H2BC4: variants seen among roughly 807,000 people sequenced by gnomAD.
The protein encoded by H2BC4 is histone H2B type 1-C/E/F/G/I.
H2BC4 carries 10 observed loss-of-function variants against 6.2 expected under a neutral mutation model. The observed-to-expected ratio is 1.61, with a 90% CI of 0.99 to 2.73. The LOEUF (loss-of-function observed/expected upper bound fraction) is 2.73. Ranked by LOEUF, H2BC4 falls within the 30% of genes most tolerant of loss-of-function variation. The probability of loss-of-function intolerance (pLI) is 0.00; values close to 1 mark genes in which losing one functional copy is unlikely to be tolerated. For synonymous variants in H2BC4, 146 were observed against 70.7 expected, an observed-to-expected ratio of 2.07 and a Z score of -5.35; for missense variants, 176 against 168.7, an observed-to-expected ratio of 1.04 and a Z score of -0.24.
Position 26,123,605 on chromosome 6 carries a change from G to A in H2BC4, c.300C>T (p.Arg100=), listed in dbSNP as rs1763550366. 1 of 1,614,280 alleles carries A rather than the reference G, an allele frequency of 6.2e-7. No homozygotes were observed. The highest frequency in any genetic ancestry group is 8.5e-7 in the Non-Finnish European group (1 of 1,180,050). Residue 100 remains arginine (R), a synonymous_variant, in exon 1 of 1, where the codon CGC becomes CGT. Transcript: ENST00000396984. The stretch of plus-strand genomic sequence containing the variant: ...TGGCCAGCTCTCCGGGAAGCAGCAG[G>A]CGCACGGCCGTCTGGATCTCCCTGG... The part of the protein sequence containing the change: ...ITSREIQTAV[R]LLLPGELAKH...
chr6:26,118,046 C>T (rs1315877683), intron 1 of H2BC4, among the ~76,000 whole-genome samples: 1 of 152,202 alleles, frequency 6.6e-6, no homozygotes, highest in Non-Finnish European at 1.5e-5. Flanking sequence ...TTCACGATTT[C>T]TGGCACCAGA....
chr6:26,117,934 GA>G (rs1380412624), intron 1 of H2BC4, among the ~76,000 whole-genome samples: 1 of 150,276 alleles, frequency 6.7e-6, no homozygotes, highest in Non-Finnish European at 1.5e-5. Context: ...AACAATTAGT[GA>G]TTCTCTAGAA....
downstream of H2BC4, among the ~76,000 whole-genome samples, chr6:26,121,341 A>G (rs2113797063): frequency 6.6e-6 from 1 of 152,370 alleles, no homozygotes; most frequent in African/African-American, 2.4e-5. Flanking sequence ...TCCAATTAGA[A>G]TAACCAAAAC....
chr6:26,123,866 C>T lies in H2BC4; in HGVS notation c.39G>A (p.Lys13=), dbSNP rs955003033. 10 of 1,614,084 alleles carry T rather than the reference C, an allele frequency of 6.2e-6. No homozygotes were observed. In the Admixed American group the frequency reaches 1.2e-4, roughly 19 times the overall value. ...CTTTGGTCACTGCCTTCTTGGAGCC[C>T]TTCTTCGGGGCGGGAGCAGACTTGG... The part of the protein sequence containing the change: ...EPAKSAPAPK[K]GSKKAVTKAQ... Residue 13 remains lysine, a synonymous_variant, in exon 1 of 1, where the codon AAG becomes AAA. Coordinates refer to ENST00000396984, the MANE Select transcript of H2BC4 (RefSeq NM_003526.3).
rs1324172601 is a variant in H2BC4, at chr6:26,123,554, C to T, written c.351G>A (p.Lys117=). 6.2e-7 allele frequency: 1 copy of T among 1,614,262 alleles called. No homozygotes were observed. Among genetic ancestry groups the T allele is most frequent in the Admixed American group, 1.7e-5 (1 of 60,032 alleles). Residue 117 remains lysine, a synonymous_variant, in exon 1 of 1, where the codon AAG becomes AAA. Transcript: ENST00000396984. ...LAKHAVSEGT[K]AVTKYTSSK is the part of the protein sequence containing the mutation. ...TGGAGCTGGTGTACTTGGTGACGGC[C>T]TTGGTGCCCTCCGACACGGCGTGCT...
chr6:26,115,966 AC>A (rs1328678250), intron 1 of H2BC4, among the ~76,000 whole-genome samples: 1 of 152,132 alleles, frequency 6.6e-6, no homozygotes, highest in Non-Finnish European at 1.5e-5. Context: ...ATAATAGTAG[AC>A]AAAAAAGTGA....
chr6:26,116,848 G>A (rs185945586), intron 1 of H2BC4, among the ~76,000 whole-genome samples: 2 of 152,272 alleles, frequency 1.3e-5, no homozygotes. Flanking sequence ...ATTACTCAGA[G>A]CCTAGAATAC....
At position 26,123,743 on chromosome 6, in the gene H2BC4, G is replaced by A. The variant is rs1169618682; in HGVS notation, c.162C>T (p.Gly54=). 13 of 1,614,152 alleles carry A rather than the reference G, an allele frequency of 8.1e-6. No individual in the cohort carries two copies. Among genetic ancestry groups the A allele is most frequent in the African/African-American group, 6.7e-5 (5 of 74,958 alleles). Residue 54 remains glycine, a synonymous_variant, in exon 1 of 1, where the codon GGC becomes GGT. Transcript: ENST00000396984. ...TGATGCCCATGGCCTTGGAAGAGAT[G>A]CCAGTGTCGGGATGGACCTGTTTCA... ...KVLKQVHPDT[G]ISSKAMGIMN...
At chr6:26,123,374 C>G, downstream of H2BC4, 2 of 1,359,202 alleles carry the variant, frequency 1.5e-6, no homozygotes, top group Non-Finnish European at 2.0e-6. Flanking sequence ...AGCTGCAACA[C>G]TTGTCCCCAC....
rs896772556 is a variant in H2BC4, at chr6:26,123,572, G to A, written c.333C>T (p.Ala111=). 10 of 1,614,142 alleles carry A rather than the reference G, an allele frequency of 6.2e-6. No homozygotes were observed. In the East Asian group the frequency reaches 1.1e-4, roughly 18 times the overall value. The change falls in exon 1 of 1, where the codon GCC becomes GCT. Residue 111 remains alanine (A), a synonymous_variant. Transcript: ENST00000396984. The part of the protein sequence containing the change: ...LLLPGELAKH[A]VSEGTKAVTK... ...TGACGGCCTTGGTGCCCTCCGACAC[G>A]GCGTGCTTGGCCAGCTCTCCGGGAA...
chr6:26,116,186 C>T (rs761046936), intron 1 of H2BC4, among the ~76,000 whole-genome samples: 2 of 152,162 alleles, frequency 1.3e-5, no homozygotes, highest in Non-Finnish European at 2.9e-5. Flanking sequence ...TCTATTTCCT[C>T]ATAGAATGAG....
chr6:26,122,757 C>A (rs910069338), downstream of H2BC4, among the ~76,000 whole-genome samples: 2 of 152,204 alleles, frequency 1.3e-5, no homozygotes, highest in African/African-American at 4.8e-5. Context: ...TCAGGCAACA[C>A]ACCATTTATG....
intron 1 of H2BC4, among the ~76,000 whole-genome samples, chr6:26,117,527 T>C (rs1459751739): frequency 2.6e-5 from 4 of 152,188 alleles, no homozygotes; most frequent in Non-Finnish European, 5.9e-5. Context: ...TGAGCAGTGC[T>C]GTGCAGCCAT....
At chr6:26,123,232 G>A, downstream of H2BC4, 1 of 471,582 alleles carries the variant, frequency 2.1e-6, no homozygotes, top group South Asian at 2.8e-5. Flanking sequence ...CGAGCCTGCG[G>A]TTTCTTCCGG....
chr6:26,116,469 G>T (rs1165886830), intron 1 of H2BC4, among the ~76,000 whole-genome samples: 1 of 152,110 alleles, frequency 6.6e-6, no homozygotes. Flanking sequence ...GAGGCAGGAG[G>T]ATCACTTAAG....
intron 1 of H2BC4, among the ~76,000 whole-genome samples, chr6:26,116,390 TC>T (rs1763420158): frequency 6.6e-6 from 1 of 152,160 alleles, no homozygotes; most frequent in Non-Finnish European, 1.5e-5. Flanking sequence ...ACATATTTTT[TC>T]CTCCTCAGAA....
At chr6:26,120,029 G>T (rs561266442), downstream of H2BC4, among the ~76,000 whole-genome samples, 4 of 151,734 alleles carry the variant, frequency 2.6e-5, no homozygotes, top group Non-Finnish European at 5.9e-5. Context: ...GAAAATTTTT[G>T]ATTTTTTTTT....
downstream of H2BC4, among the ~76,000 whole-genome samples, chr6:26,122,897 GTGT>G (rs1233008912): frequency 1.5e-4 from 23 of 152,156 alleles, no homozygotes; most frequent in South Asian, 6.2e-4. Flanking sequence ...TACTGCCTTA[GTGT>G]TGTTATCAAA....
At chr6:26,116,390 T>G (rs1253612991) in intron 1 of H2BC4, among the ~76,000 whole-genome samples, 1 of 152,160 alleles carries the variant, frequency 6.6e-6, no homozygotes, top group African/African-American at 2.4e-5. Context: ...ACATATTTTT[T>G]CCTCCTCAGA....
Sources: allele counts gnomAD v4.1 joint callset (sites outside exome capture counted in the v4.1 genomes callset), GRCh38; gene constraint gnomAD v4.1.1; transcripts MANE v1.5; gene names NCBI Gene and HGNC (gene_info 2026-07-23, HGNC 2026-07-21).